CAMKMT: variants seen among roughly 807,000 people sequenced by gnomAD.
CAMKMT encodes the protein CaM KMT.
Under a neutral mutation model 48.0 loss-of-function variants are expected in CAMKMT, and 53 were observed. The ratio of observed to expected loss-of-function variants is 1.10; its 90% CI spans 0.89 to 1.39. CAMKMT has a LOEUF of 1.39. Among genes scored for constraint, CAMKMT ranks in the 40% most tolerant of loss-of-function variants. The pLI, the probability that CAMKMT is intolerant of heterozygous loss-of-function variation, is 0.00. For synonymous variants in CAMKMT, 165 were observed against 152.3 expected (o/e 1.08, Z -0.61); for missense variants, 428 against 402.7 (o/e 1.06, Z -0.54).
At chr2:44,712,416 G>A (rs1393263623) in intron 6 of CAMKMT, among the ~76,000 whole-genome samples, 2 of 151,958 alleles carry the variant, frequency 1.3e-5, no homozygotes, top group Non-Finnish European at 2.9e-5. Flanking sequence ...TTAACAATAT[G>A]ATGCATACAT....
chr2:44,565,608 C>T (rs573455704), intron 3 of CAMKMT, among the ~76,000 whole-genome samples: 1 of 151,746 alleles, frequency 6.6e-6, no homozygotes, highest in Admixed American at 6.6e-5. Context: ...ACATAGTGAG[C>T]TACAAAACAA....
At chr2:44,528,053 G>T (rs566299623) in intron 3 of CAMKMT, among the ~76,000 whole-genome samples, 3 of 152,098 alleles carry the variant, frequency 2.0e-5, no homozygotes, top group African/African-American at 7.2e-5. Context: ...ACAGAAATTC[G>T]TCGTGGGAAG....
intron 3 of CAMKMT, among the ~76,000 whole-genome samples, chr2:44,510,535 A>G (rs1670486831): frequency 6.6e-6 from 1 of 152,116 alleles, no homozygotes; most frequent in African/African-American, 2.4e-5. Context: ...TCCCCTTTGT[A>G]ATTAATATTA....
At chr2:44,715,897 C>T (rs1333445238) in intron 7 of CAMKMT, among the ~76,000 whole-genome samples, 1 of 152,140 alleles carries the variant, frequency 6.6e-6, no homozygotes, top group Non-Finnish European at 1.5e-5. Flanking sequence ...CACTGAGAAA[C>T]CCTGCTCTGT....
intron 3 of CAMKMT, among the ~76,000 whole-genome samples, chr2:44,414,395 C>T (rs1034612564): frequency 6.6e-6 from 1 of 152,118 alleles, no homozygotes; most frequent in African/African-American, 2.4e-5. Flanking sequence ...TATCTCAGTG[C>T]TTGACTGGGA....
intron 3 of CAMKMT, among the ~76,000 whole-genome samples, chr2:44,696,613 G>A (rs1274875824): frequency 1.3e-5 from 2 of 152,070 alleles, no homozygotes; most frequent in East Asian, 1.9e-4. Context: ...CAGAGAATAC[G>A]AAAAGCCAGG....
intron 3 of CAMKMT, among the ~76,000 whole-genome samples, chr2:44,584,573 GC>G (rs1669745728): frequency 6.6e-6 from 1 of 152,132 alleles, no homozygotes; most frequent in South Asian, 2.1e-4. Context: ...TGTATTGTGG[GC>G]TACTTACAGA....
intron 3 of CAMKMT, among the ~76,000 whole-genome samples, chr2:44,584,869 G>A (rs13426183): frequency 0.23 from 34,733 of 151,728 alleles, 4,120 homozygotes; most frequent in African/African-American, 0.27. Flanking sequence ...CCTGGCTAAC[G>A]TGGTGAAACC....
At chr2:44,490,906 T>G (rs1447439985) in intron 3 of CAMKMT, among the ~76,000 whole-genome samples, 1 of 152,170 alleles carries the variant, frequency 6.6e-6, no homozygotes, top group African/African-American at 2.4e-5. Context: ...TTACAACACT[T>G]TGGGAGTCCG....
rs147964248 is a variant in CAMKMT, at chr2:44,505,487, T to G, written c.376+115182T>G. On this transcript the variant is annotated intron_variant, in intron 3 of 10. Coordinates refer to ENST00000378494, the MANE Select transcript of CAMKMT (RefSeq NM_024766.5). ...AGCTCTAGGTCCTGAAAACTTTTCT[T>G]CTGTTTTTATCTGAAAGTTTTATAG... 2.9e-3 allele frequency among the ~76,000 whole-genome samples: 436 copies of G among 152,324 alleles called. 1 individual carries two copies. The highest frequency in any genetic ancestry group is 9.7e-3 in the African/African-American group (405 of 41,574).
At chr2:44,578,885 C>T (rs1469816605) in intron 3 of CAMKMT, among the ~76,000 whole-genome samples, 1 of 152,154 alleles carries the variant, frequency 6.6e-6, no homozygotes, top group Non-Finnish European at 1.5e-5. Context: ...TTGGTACAGG[C>T]ATCTTAACTC....
chr2:44,403,520 A>G lies in CAMKMT; in HGVS notation c.376+13215A>G, dbSNP rs548028785. Among the ~76,000 whole-genome samples, 32 of 152,322 alleles carry G rather than the reference A, an allele frequency of 2.1e-4. 1 individual carries two copies. In the South Asian group the frequency reaches 6.4e-3, roughly 31 times the overall value. The stretch of plus-strand genomic sequence containing the variant: ...CCATCCTTGTACTCTACTCGTAGAC[A>G]TGTAACTCCGGTTGCTTCTTAGCTT... On this transcript the variant is annotated intron_variant, in intron 3 of 10. Coordinates refer to ENST00000378494, the MANE Select transcript of CAMKMT (RefSeq NM_024766.5).
intron 7 of CAMKMT, among the ~76,000 whole-genome samples, chr2:44,736,013 A>T (rs1679340429): frequency 6.6e-6 from 1 of 152,180 alleles, no homozygotes; most frequent in South Asian, 2.1e-4. Context: ...TTATCTATAC[A>T]TATATTATCA....
chr2:44,581,492 C>T (rs1019336429), intron 3 of CAMKMT, among the ~76,000 whole-genome samples: 1 of 152,188 alleles, frequency 6.6e-6, no homozygotes, highest in Non-Finnish European at 1.5e-5. Context: ...TGTATACTGA[C>T]AGATCTAAGG....
chr2:44,675,900 C>T (rs1266588124), intron 3 of CAMKMT, among the ~76,000 whole-genome samples: 1 of 152,102 alleles, frequency 6.6e-6, no homozygotes, highest in African/African-American at 2.4e-5. Context: ...CTCTGGGTAC[C>T]GCAAATAAGT....
At chr2:44,637,910 C>G (rs1206540478) in intron 3 of CAMKMT, among the ~76,000 whole-genome samples, 3 of 151,804 alleles carry the variant, frequency 2.0e-5, no homozygotes, top group Non-Finnish European at 4.4e-5. Flanking sequence ...ACTACAAATA[C>G]AAAAATTAGC....
Position 44,515,814 on chromosome 2 carries a change from G to C in CAMKMT, c.376+125509G>C, listed in dbSNP as rs577429466. ...TCCAACTCCTCTGAGAAAGCAGAAA[G>C]TAAAGATGCCAGCTTTAGTCTGTGG... On this transcript the variant is annotated intron_variant, in intron 3 of 10. Coordinates refer to ENST00000378494, the MANE Select transcript of CAMKMT (RefSeq NM_024766.5). 4.0e-4 allele frequency among the ~76,000 whole-genome samples: 61 copies of C among 152,286 alleles called. 1 individual carries two copies. The highest frequency in any genetic ancestry group is 9.2e-4 in the Admixed American group (14 of 15,300).
chr2:44,581,227 T>A (rs1669541855), intron 3 of CAMKMT, among the ~76,000 whole-genome samples: 1 of 152,210 alleles, frequency 6.6e-6, no homozygotes, highest in Admixed American at 6.5e-5. Flanking sequence ...CCTATGTGTA[T>A]CTAGCTGATG....
At chr2:44,626,131 A>G (rs1387484708) in intron 3 of CAMKMT, among the ~76,000 whole-genome samples, 1 of 152,192 alleles carries the variant, frequency 6.6e-6, no homozygotes, top group Non-Finnish European at 1.5e-5. Context: ...CATCTTAATA[A>G]TATTGAGTCT....
Sources: gnomAD v4.1 joint callset for allele counts (sites outside exome capture counted in the v4.1 genomes callset) on GRCh38, gnomAD v4.1.1 for gene constraint, MANE v1.5 for transcripts, NCBI Gene and HGNC (gene_info 2026-07-23, HGNC 2026-07-21) for gene names.